Variants in POR observed in about 807,000 individuals in gnomAD.
The protein encoded by POR is cytochrome p450 oxidoreductase, also known as NADPH--cytochrome P450 reductase.
A neutral mutation model predicts 84.0 loss-of-function variants in POR; 56 were observed. That is an observed-to-expected ratio of 0.67 (90% CI 0.54 to 0.83). The LOEUF (loss-of-function observed/expected upper bound fraction) is 0.83. Among genes scored for constraint, POR ranks in the 40% least tolerant of loss-of-function variants. POR has a pLI of 0.00. For synonymous variants in POR, 414 were observed against 400.5 expected (o/e 1.03, Z -0.40); for missense variants, 938 against 944.3 (o/e 0.99, Z 0.09).
At chr7:75,978,804 G>A (rs1319351230) in intron 3 of POR, among the ~76,000 whole-genome samples, 3 of 152,060 alleles carry the variant, frequency 2.0e-5, no homozygotes, top group Non-Finnish European at 4.4e-5. Flanking sequence ...GATTATAGGC[G>A]TGAGCCACTG....
intron 7 of POR, 103 bp downstream of exon 7, chr7:75,981,709 A>G (rs1249306151): frequency 1.0e-6 from 1 of 958,972 alleles, no homozygotes; most frequent in African/African-American, 1.6e-5. Flanking sequence ...CAAGGTTAGA[A>G]GACACTCCGT....
intron 2 of POR, among the ~76,000 whole-genome samples, chr7:75,960,628 T>G (rs1250366254): frequency 6.6e-6 from 1 of 152,178 alleles, no homozygotes; most frequent in African/African-American, 2.4e-5. Flanking sequence ...CCAGGGCTCC[T>G]GTGGGCTCTC....
Position 75,986,392 on chromosome 7 carries a change from G to C in POR, c.1954G>C (p.Glu652Gln). The change falls in exon 16 of 16, where the codon GAG (glutamate) becomes CAG (glutamine). Residue 652 changes from glutamate to glutamine, a missense_variant. Coordinates refer to ENST00000461988, the MANE Select transcript of POR (RefSeq NM_000941.3). ...GAACACCTTCTACGACATCGTGGCT[G>C]AGCTCGGGGCCATGGAGCACGCGCA... 6.2e-7 allele frequency: 1 copy of C among 1,612,612 alleles called. No homozygotes were observed. Among genetic ancestry groups the C allele is most frequent in the East Asian group, 2.2e-5 (1 of 44,876 alleles).
chr7:75,925,465 T>C (rs1807067651), intron 1 of POR, among the ~76,000 whole-genome samples: 1 of 152,130 alleles, frequency 6.6e-6, no homozygotes, highest in Non-Finnish European at 1.5e-5. Context: ...TTCAAGGCTG[T>C]AGTAAGCTAT....
At chr7:75,959,344 G>T (rs1787832120) in intron 2 of POR, among the ~76,000 whole-genome samples, 1 of 152,192 alleles carries the variant, frequency 6.6e-6, no homozygotes, top group Non-Finnish European at 1.5e-5. Flanking sequence ...GGTGATTTCT[G>T]TTATAGCCAC....
At chr7:75,925,261 A>C (rs367719315) in intron 1 of POR, among the ~76,000 whole-genome samples, 17 of 152,148 alleles carry the variant, frequency 1.1e-4, no homozygotes, top group Admixed American at 5.9e-4. Context: ...TAGTCCCAGC[A>C]CTCTGGGAGG....
intron 3 of POR, among the ~76,000 whole-genome samples, chr7:75,978,683 C>T (rs10235852): frequency 9.2e-5 from 14 of 152,088 alleles, no homozygotes; most frequent in African/African-American, 3.4e-4. Context: ...GCCACCATGC[C>T]CGGCTAATTT....
At chr7:75,980,893 T>C (rs1159672328) in intron 5 of POR, 155 bp from the exon 6 acceptor site, 5 of 1,095,736 alleles carry the variant, frequency 4.6e-6, no homozygotes, top group Admixed American at 2.9e-5. Flanking sequence ...AGTGGCCCAG[T>C]GTTCCTTGCA....
At chr7:75,969,317 C>G (rs1009044648) in intron 2 of POR, among the ~76,000 whole-genome samples, 1 of 152,208 alleles carries the variant, frequency 6.6e-6, no homozygotes, top group South Asian at 2.1e-4. Flanking sequence ...GGGGCGGGGC[C>G]TGTGCAGTCC....
intron 3 of POR, 119 bp from the exon 4 acceptor site, chr7:75,979,332 C>T (rs368192174): frequency 8.0e-7 from 1 of 1,245,300 alleles, no homozygotes; most frequent in Non-Finnish European, 1.1e-6. Flanking sequence ...GGACTCAAAG[C>T]CAGGAAGGAA....
At chr7:75,950,020 G>A (rs1395860170) in intron 1 of POR, among the ~76,000 whole-genome samples, 3 of 151,908 alleles carry the variant, frequency 2.0e-5, no homozygotes, top group East Asian at 1.9e-4. Flanking sequence ...CTGCCACCAC[G>A]CCTGGCTAAT....
At chr7:75,931,094 A>G (rs982388032) in intron 1 of POR, among the ~76,000 whole-genome samples, 1 of 152,140 alleles carries the variant, frequency 6.6e-6, no homozygotes, top group African/African-American at 2.4e-5. Context: ...ATGTGCTGGG[A>G]TTACAGGCAT....
At chr7:75,919,972 G>A (rs782777105) in intron 1 of POR, among the ~76,000 whole-genome samples, 47 of 151,436 alleles carry the variant, frequency 3.1e-4, no homozygotes, top group South Asian at 8.4e-4. Flanking sequence ...CCCGAAATGC[G>A]TCAGTTTCAA....
chr7:75,931,491 C>T (rs1487050814), intron 1 of POR, among the ~76,000 whole-genome samples: 4 of 151,958 alleles, frequency 2.6e-5, no homozygotes, highest in East Asian at 3.9e-4. Flanking sequence ...CTTAGCCTCC[C>T]GAGTAGCTGG....
intron 1 of POR, chr7:75,915,558 C>T (rs1554547953): frequency 1.3e-5 from 2 of 152,282 alleles, no homozygotes; most frequent in African/African-American, 4.8e-5. Context: ...CTCAGTTTCC[C>T]CATCTGTACG....
At chr7:75,967,296 G>C (rs1483255521) in intron 2 of POR, among the ~76,000 whole-genome samples, 1 of 152,160 alleles carries the variant, frequency 6.6e-6, no homozygotes, top group Non-Finnish European at 1.5e-5. Flanking sequence ...CGGATGGGCT[G>C]TTTGCACTCG....
rs368697465 is a variant in POR at position 75,985,710 on chromosome 7, G to A, written c.1530G>A (p.Ala510=). The change falls in exon 13 of 16, where the codon GCG becomes GCA. Residue 510 remains alanine, a synonymous_variant. Transcript: ENST00000461988. ...CTGCCGGGGAGAACGGCGGCCGTGC[G>A]CTGGTGCCCATGTTCGTGCGCAAGT... The A allele has an allele frequency of 1.3e-4, 212 of 1,587,234 alleles. No individual in the cohort carries two copies. The African/African-American group carries it at 1.4e-3, about 11-fold the overall frequency.
At chr7:75,971,916 A>C (rs1788461019) in intron 2 of POR, among the ~76,000 whole-genome samples, 1 of 152,006 alleles carries the variant, frequency 6.6e-6, no homozygotes, top group South Asian at 2.1e-4. Context: ...GAGGGGACTC[A>C]TGTGCCCGGA....
intron 8 of POR, among the ~76,000 whole-genome samples, chr7:75,982,578 G>A (rs569038601): frequency 6.6e-6 from 1 of 152,326 alleles, no homozygotes; most frequent in East Asian, 1.9e-4. Flanking sequence ...TTCTCGACTA[G>A]GACAGTGCAT....
Sources: gnomAD v4.1 joint callset for allele counts (sites outside exome capture counted in the v4.1 genomes callset) on GRCh38, gnomAD v4.1.1 for gene constraint, MANE v1.5 for transcripts, NCBI Gene and HGNC (gene_info 2026-07-23, HGNC 2026-07-21) for gene names.